Variants in ADAM17 observed in about 807,000 individuals in gnomAD.
ADAM17 encodes the protein disintegrin and metalloproteinase domain-containing protein 17.
A neutral mutation model predicts 96.7 loss-of-function variants in ADAM17; 39 were observed. The ratio of observed to expected loss-of-function variants is 0.40; its 90% confidence interval spans 0.31 to 0.53. The LOEUF is 0.53. Ranked by LOEUF, ADAM17 falls within the 20% of genes least tolerant of loss-of-function variation. The pLI is 0.44. For synonymous variants in ADAM17, 344 were observed against 359.2 expected (o/e 0.96, Z 0.48); for missense variants, 777 against 1,013.2 (o/e 0.77, Z 3.17).
At chr2:9,552,467 A>G (rs1665615774) in intron 1 of ADAM17, among the ~76,000 whole-genome samples, 1 of 152,206 alleles carries the variant, frequency 6.6e-6, no homozygotes, top group Non-Finnish European at 1.5e-5. Context: ...CAGTAAGCAA[A>G]ATTAACATCA....
chr2:9,495,556 T>C (rs985196269), intron 14 of ADAM17, among the ~76,000 whole-genome samples: 15 of 151,480 alleles, frequency 9.9e-5, no homozygotes, highest in African/African-American at 3.2e-4. Flanking sequence ...CTACTAAAAA[T>C]AAAAAAAATT....
At chr2:9,532,410 T>A (rs1341256100) in intron 4 of ADAM17, among the ~76,000 whole-genome samples, 1 of 152,104 alleles carries the variant, frequency 6.6e-6, no homozygotes, top group East Asian at 1.9e-4. Context: ...TCAATAAACA[T>A]TATTAATTTC....
chr2:9,522,401 CT>C, intron 7 of ADAM17: 1 of 575,528 alleles, frequency 1.7e-6, no homozygotes, highest in Non-Finnish European at 3.3e-6. Context: ...TTTTCACTGG[CT>C]TTTGTACTGT....
At chr2:9,546,311 A>G (rs10495565) in intron 1 of ADAM17, among the ~76,000 whole-genome samples, 34,942 of 152,088 alleles carry the variant, frequency 0.23, 4,791 homozygotes, top group Middle Eastern at 0.33. Flanking sequence ...TAAAATACTT[A>G]ACTAATGCAT....
chr2:9,522,528 T>C, intron 7 of ADAM17: 2 of 505,500 alleles, frequency 4.0e-6, no homozygotes, highest in Non-Finnish European at 7.2e-6. Flanking sequence ...AGTTTAACAT[T>C]TATAAACATG....
Position 9,528,299 on chromosome 2 carries a change from G to A in ADAM17, c.451-345C>T, listed in dbSNP as rs112457820. On this transcript the variant is annotated intron_variant, in intron 4 of 18. Transcript: ENST00000310823. Reference sequence around the variant, plus strand: ...ATTATGTAATATCTACTGTACACTGGCACTGTTATAGGTGATGGTGCTATA... The same window carrying A: ...ATTATGTAATATCTACTGTACACTGACACTGTTATAGGTGATGGTGCTATA... 9.7e-3 allele frequency among the ~76,000 whole-genome samples: 1,476 copies of A among 152,194 alleles called. 19 individuals carry two copies. The highest frequency in any genetic ancestry group is 0.03 in the African/African-American group (1,253 of 41,538).
intron 4 of ADAM17, among the ~76,000 whole-genome samples, chr2:9,529,688 C>A (rs1664661721): frequency 6.6e-6 from 1 of 152,024 alleles, no homozygotes; most frequent in Non-Finnish European, 1.5e-5. Flanking sequence ...TATACGAAAA[C>A]TGCCGGGCGC....
chr2:9,496,128 CTTA>C (rs1372771853), intron 14 of ADAM17, among the ~76,000 whole-genome samples: 1 of 151,526 alleles, frequency 6.6e-6, no homozygotes, highest in Non-Finnish European at 1.5e-5. Flanking sequence ...TTATTTTTTA[CTTA>C]TTTATTTATT....
intron 11 of ADAM17, among the ~76,000 whole-genome samples, chr2:9,506,360 T>C (rs1375011477): frequency 9.3e-6 from 1 of 107,432 alleles, no homozygotes; most frequent in Admixed American, 8.7e-5. Context: ...TTCAAATCTG[T>C]TTTTTTTTTT....
In ADAM17 at chr2:9,490,354, G is replaced by A. The variant is rs1340177106; in HGVS notation, c.2298C>T (p.Pro766=). 2 of 1,614,032 alleles carry A rather than the reference G, an allele frequency of 1.2e-6. No homozygotes were observed. The highest frequency in any genetic ancestry group is 1.3e-5 in the African/African-American group (1 of 74,908). Residue 766 remains proline, a synonymous_variant, in exon 19 of 19, where the codon CCC becomes CCT. Coordinates refer to ENST00000310823, the MANE Select transcript of ADAM17 (RefSeq NM_003183.6). The stretch of plus-strand genomic sequence containing the variant: ...CCTCGTCCATATGTGAGTCTGTGCT[G>A]GGGTCTTCCTGGATGGTGTCCATTC... ...HQRMDTIQED[P]STDSHMDEDG... is the part of the protein sequence containing the mutation.
chr2:9,546,335 G>A (rs988825096), intron 1 of ADAM17, among the ~76,000 whole-genome samples: 1 of 152,128 alleles, frequency 6.6e-6, no homozygotes, highest in African/African-American at 2.4e-5. Flanking sequence ...AACTGCAATT[G>A]ATTCTCTTTT....
intron 11 of ADAM17, 27 bp downstream of exon 11, chr2:9,509,952 C>T (rs1382738170): frequency 6.2e-7 from 1 of 1,612,350 alleles, no homozygotes; most frequent in Non-Finnish European, 8.5e-7. Flanking sequence ...TTCCAAACCA[C>T]ATAAAAAATT....
chr2:9,506,375 T>G (rs1047076903), intron 11 of ADAM17, among the ~76,000 whole-genome samples: 3 of 146,206 alleles, frequency 2.1e-5, no homozygotes, highest in African/African-American at 5.1e-5. Flanking sequence ...TTTTTTTTTT[T>G]TTTTTTTTTT....
intron 13 of ADAM17, among the ~76,000 whole-genome samples, chr2:9,499,389 T>C (rs567717408): frequency 6.6e-6 from 1 of 152,206 alleles, no homozygotes; most frequent in East Asian, 1.9e-4. Flanking sequence ...GATATTCAGG[T>C]TCCTAACATT....
chr2:9,488,948 C>T lies in ADAM17; in HGVS notation c.*1229G>A, dbSNP rs564883483. The T allele has an allele frequency of 3.3e-5, 5 of 152,296 alleles. No individual in the cohort carries two copies. In the South Asian group the frequency reaches 1.0e-3, roughly 32 times the overall value. 9.4% of individuals were successfully genotyped at this position (152,296 alleles called of 1,614,324 possible). ...AATGGCAATTTATAGAAATCAGAAT[C>T]CAGGCTAATGATTTTTATCCTTCAC... On this transcript the variant is annotated 3_prime_UTR_variant, in exon 19 of 19. Coordinates refer to ENST00000310823, the MANE Select transcript of ADAM17 (RefSeq NM_003183.6).
At chr2:9,531,816 G>A (rs557637889) in intron 4 of ADAM17, among the ~76,000 whole-genome samples, 3 of 151,974 alleles carry the variant, frequency 2.0e-5, no homozygotes, top group Admixed American at 6.5e-5. Context: ...AATATTTAAC[G>A]GCTGCGCACA....
Position 9,555,682 on chromosome 2 carries a change from G to T in ADAM17, c.-77C>A, listed in dbSNP as rs890946256. The T allele has an allele frequency of 1.6e-5, 20 of 1,240,972 alleles. No homozygotes were observed. Among genetic ancestry groups the T allele is most frequent in the Admixed American group, 7.8e-5 (3 of 38,434 alleles). 76.9% of individuals were successfully genotyped at this position (1,240,972 alleles called of 1,614,324 possible). On this transcript the variant is annotated 5_prime_UTR_variant, in exon 1 of 19. Coordinates refer to ENST00000310823, the MANE Select transcript of ADAM17 (RefSeq NM_003183.6). ...GGGTTTCGGAAAACTGCTCACATCG[G>T]GGGAGGACGGGATCCGCCCGGCCTA...
At chr2:9,510,866 C>A (rs1383873699) in intron 10 of ADAM17, among the ~76,000 whole-genome samples, 1 of 151,996 alleles carries the variant, frequency 6.6e-6, no homozygotes, top group African/African-American at 2.4e-5. Flanking sequence ...GATTCTTCTA[C>A]CAATTATATG....
At chr2:9,550,214 T>C (rs1025704975) in intron 1 of ADAM17, among the ~76,000 whole-genome samples, 3 of 152,082 alleles carry the variant, frequency 2.0e-5, no homozygotes, top group African/African-American at 4.8e-5. Flanking sequence ...GCCTGGGAAC[T>C]AAACAATTTT....
Sources: gnomAD v4.1 joint callset for allele counts (sites outside exome capture counted in the v4.1 genomes callset) on GRCh38, gnomAD v4.1.1 for gene constraint, MANE v1.5 for transcripts, NCBI Gene and HGNC (gene_info 2026-07-23, HGNC 2026-07-21) for gene names.